SPOCK3: variants seen among roughly 807,000 people sequenced by gnomAD.
SPOCK3 encodes SPARC (osteonectin), cwcv and kazal like domains proteoglycan 3.
SPOCK3 carries 30 observed loss-of-function variants against 56.6 expected under a neutral mutation model. The observed-to-expected ratio is 0.53, with a 90% CI of 0.40 to 0.72. SPOCK3 has a LOEUF of 0.72. Among genes scored for constraint, SPOCK3 ranks in the 30% least tolerant of loss-of-function variants. The pLI is 0.00. For synonymous variants in SPOCK3, 196 were observed against 183.3 expected (o/e 1.07, Z -0.56); for missense variants, 527 against 530.0 (o/e 0.99, Z 0.06).
chr4:167,219,585 T>G (rs1435983359), intron 2 of SPOCK3, among the ~76,000 whole-genome samples: 1 of 152,184 alleles, frequency 6.6e-6, no homozygotes, highest in East Asian at 1.9e-4. Flanking sequence ...TCCTGTTAAA[T>G]GAGCTTTTAC....
At chr4:166,839,948 G>C (rs1044673215) in intron 6 of SPOCK3, among the ~76,000 whole-genome samples, 7 of 152,194 alleles carry the variant, frequency 4.6e-5, no homozygotes, top group African/African-American at 9.7e-5. Context: ...CTCCCTCTGA[G>C]GGTGTATTAC....
intron 4 of SPOCK3, among the ~76,000 whole-genome samples, chr4:166,984,989 A>G (rs1263640067): frequency 6.6e-6 from 1 of 152,112 alleles, no homozygotes; most frequent in Non-Finnish European, 1.5e-5. Flanking sequence ...GCTGTCAAGG[A>G]GCCATTCAGA....
At chr4:167,028,559 C>T (rs142346318) in intron 3 of SPOCK3, among the ~76,000 whole-genome samples, 4 of 152,152 alleles carry the variant, frequency 2.6e-5, no homozygotes, top group Middle Eastern at 3.4e-3. Context: ...GCTTGCTATT[C>T]GTGTCTATCA....
chr4:166,950,958 C>T (rs1207462776), intron 4 of SPOCK3, among the ~76,000 whole-genome samples: 4 of 128,706 alleles, frequency 3.1e-5, no homozygotes, highest in Admixed American at 1.5e-4. Flanking sequence ...AAATTTATAG[C>T]ACTAAATGCC....
At chr4:167,142,583 A>G (rs1763626156) in intron 2 of SPOCK3, among the ~76,000 whole-genome samples, 1 of 152,058 alleles carries the variant, frequency 6.6e-6, no homozygotes, top group Non-Finnish European at 1.5e-5. Context: ...TGAACAAACA[A>G]ACGGAAGAAA....
intron 6 of SPOCK3, among the ~76,000 whole-genome samples, chr4:166,804,352 T>G (rs1388911901): frequency 2.6e-5 from 4 of 152,118 alleles, no homozygotes; most frequent in Non-Finnish European, 1.5e-5. Flanking sequence ...TGAATCAGAT[T>G]GGATTAGGAC....
intron 2 of SPOCK3, among the ~76,000 whole-genome samples, chr4:167,123,740 CTTT>C (rs901846399): frequency 4.2e-5 from 5 of 118,368 alleles, no homozygotes; most frequent in South Asian, 2.9e-4. Flanking sequence ...CATTTCTTTT[CTTT>C]TTTTTTTTTT....
At chr4:167,025,442 C>A (rs1751612664) in intron 3 of SPOCK3, among the ~76,000 whole-genome samples, 1 of 151,938 alleles carries the variant, frequency 6.6e-6, no homozygotes, top group South Asian at 2.1e-4. Flanking sequence ...AACGTGTGTA[C>A]AATGAGTTTC....
chr4:166,787,558 C>A (rs1237339381), intron 7 of SPOCK3, among the ~76,000 whole-genome samples: 1 of 151,874 alleles, frequency 6.6e-6, no homozygotes, highest in African/African-American at 2.4e-5. Context: ...ATAAAATAAA[C>A]AACATTTAAT....
At chr4:167,163,272 A>AT (rs1205549221) in intron 2 of SPOCK3, among the ~76,000 whole-genome samples, 2 of 145,916 alleles carry the variant, frequency 1.4e-5, no homozygotes, top group African/African-American at 2.5e-5. Flanking sequence ...TAAAACATTT[A>AT]TTTTTTACAT....
At chr4:167,170,095 C>T (rs1042964975) in intron 2 of SPOCK3, among the ~76,000 whole-genome samples, 1 of 152,068 alleles carries the variant, frequency 6.6e-6, no homozygotes, top group African/African-American at 2.4e-5. Context: ...CTAATACAAA[C>T]AGTATATTTA....
intron 4 of SPOCK3, among the ~76,000 whole-genome samples, chr4:166,927,159 T>C (rs1196038132): frequency 6.6e-6 from 1 of 152,204 alleles, no homozygotes; most frequent in East Asian, 1.9e-4. Flanking sequence ...ATAATAATAC[T>C]TTACAACCTG....
At chr4:166,996,055 A>G (rs1748336824) in intron 4 of SPOCK3, among the ~76,000 whole-genome samples, 1 of 152,148 alleles carries the variant, frequency 6.6e-6, no homozygotes, top group South Asian at 2.1e-4. Context: ...ATGAATTCCA[A>G]GATTGCATAG....
intron 2 of SPOCK3, among the ~76,000 whole-genome samples, chr4:167,067,828 G>C (rs1165893162): frequency 6.6e-6 from 1 of 151,734 alleles, no homozygotes; most frequent in East Asian, 1.9e-4. Flanking sequence ...CAATAGTACT[G>C]TCTTACTTTT....
At chr4:166,781,844 G>C (rs1305596443) in intron 7 of SPOCK3, among the ~76,000 whole-genome samples, 2 of 152,016 alleles carry the variant, frequency 1.3e-5, no homozygotes, top group African/African-American at 4.8e-5. Context: ...CCACAAGCCA[G>C]AAACAGCGGC....
chr4:167,124,374 A>G (rs1452075423), intron 2 of SPOCK3, among the ~76,000 whole-genome samples: 3 of 152,160 alleles, frequency 2.0e-5, no homozygotes, highest in Non-Finnish European at 2.9e-5. Context: ...TAGGAACCTC[A>G]CATTCAGAAT....
At chr4:166,899,293 T>TCTATCTATCTATCTAA (rs555306781) in intron 5 of SPOCK3, among the ~76,000 whole-genome samples, 2,810 of 139,100 alleles carry the variant, frequency 0.02, 74 homozygotes, top group South Asian at 0.034. Flanking sequence ...TATCTATCTA[T>TCTATCTATCTATCTAA]CTATCTATGT....
At chr4:167,148,460 A>G (rs1764158574) in intron 2 of SPOCK3, among the ~76,000 whole-genome samples, 2 of 152,178 alleles carry the variant, frequency 1.3e-5, no homozygotes, top group South Asian at 4.1e-4. Flanking sequence ...GTATTATAAA[A>G]TACTATAACT....
chr4:166,944,537 T>A (rs1741490912), intron 4 of SPOCK3, among the ~76,000 whole-genome samples: 1 of 152,300 alleles, frequency 6.6e-6, no homozygotes, highest in African/African-American at 2.4e-5. Context: ...TTCAGTGTTC[T>A]TTTTTTCTTG....
Sources: allele counts gnomAD v4.1 joint callset (sites outside exome capture counted in the v4.1 genomes callset), GRCh38; gene constraint gnomAD v4.1.1; transcripts MANE v1.5; gene names NCBI Gene and HGNC (gene_info 2026-07-23, HGNC 2026-07-21).